Variants in KLHL1 observed in about 807,000 individuals in gnomAD.
The protein encoded by KLHL1 is kelch-like protein 1.
A neutral mutation model predicts 77.7 loss-of-function variants in KLHL1; 47 were observed. The ratio of observed to expected loss-of-function variants is 0.60; its 90% CI spans 0.48 to 0.77. The LOEUF is 0.77. Ranked by LOEUF, KLHL1 falls within the 30% of genes least tolerant of loss-of-function variation. The pLI is 0.00. For synonymous variants in KLHL1, 360 were observed against 325.2 expected, an observed-to-expected ratio of 1.11 and a Z score of -1.15; for missense variants, 925 against 910.8, an observed-to-expected ratio of 1.02 and a Z score of -0.20.
chr13:69,780,733 C>CATATATATATATATATATATAT (rs1217018845), intron 7 of KLHL1, among the ~76,000 whole-genome samples: 2 of 42,080 alleles, frequency 4.8e-5, no homozygotes, highest in Admixed American at 2.8e-4. Flanking sequence ...TATATATATA[C>CATATATATATATATATATATAT]ATATATATAT....
intron 1 of KLHL1, among the ~76,000 whole-genome samples, chr13:70,020,221 G>A (rs1043662455): frequency 1.1e-4 from 16 of 152,098 alleles, no homozygotes; most frequent in Non-Finnish European, 1.8e-4. Context: ...TATTCTAACA[G>A]CATCAATACA....
intron 3 of KLHL1, among the ~76,000 whole-genome samples, chr13:69,947,985 T>A (rs1311845224): frequency 6.6e-6 from 1 of 152,146 alleles, no homozygotes; most frequent in African/African-American, 2.4e-5. Context: ...TACATGTTTT[T>A]AGTTAGATGC....
intron 1 of KLHL1, among the ~76,000 whole-genome samples, chr13:70,013,093 C>A (rs565169398): frequency 2.8e-4 from 42 of 151,740 alleles, no homozygotes; most frequent in African/African-American, 8.7e-4. Context: ...TTAAAAATAT[C>A]GGGGAATGAT....
At chr13:69,990,800 A>T (rs1885009499) in intron 1 of KLHL1, among the ~76,000 whole-genome samples, 1 of 151,980 alleles carries the variant, frequency 6.6e-6, no homozygotes, top group African/African-American at 2.4e-5. Flanking sequence ...CACTTGACCA[A>T]ATGGACCTAA....
chr13:69,874,389 C>A (rs935440615), intron 5 of KLHL1, among the ~76,000 whole-genome samples: 1 of 152,040 alleles, frequency 6.6e-6, no homozygotes, highest in Non-Finnish European at 1.5e-5. Flanking sequence ...TACCTTCTGG[C>A]CATCCTTCTA....
chr13:69,939,044 T>G (rs1263118928), intron 4 of KLHL1, among the ~76,000 whole-genome samples: 1 of 151,590 alleles, frequency 6.6e-6, no homozygotes, highest in African/African-American at 2.4e-5. Flanking sequence ...GTTTCAATAA[T>G]AACAATGAAG....
At chr13:70,066,945 G>A (rs1195044155) in intron 1 of KLHL1, among the ~76,000 whole-genome samples, 2 of 152,020 alleles carry the variant, frequency 1.3e-5, no homozygotes, top group African/African-American at 4.8e-5. Flanking sequence ...TTTTCTTTAC[G>A]ATTCCAGGAG....
In KLHL1 at chr13:69,740,377, GA is replaced by G. The variant is rs1873934975; in HGVS notation, c.1802+16del. On this transcript the variant is annotated intron_variant, in intron 8 of 10. Transcript: ENST00000377844. ...CTTTTTTTCTAAGATTAAAAAATAA[GA>G]AAAAAATTTACTTACTTGCCATTCA... is the stretch of plus-strand genomic sequence containing the variant. 3 of 1,512,990 alleles carry G rather than the reference GA, an allele frequency of 2.0e-6. No individual in the cohort carries two copies. The highest frequency in any genetic ancestry group is 2.6e-5 in the South Asian group (2 of 76,022). 93.7% of individuals were successfully genotyped at this position (1,512,990 alleles called of 1,614,324 possible).
intron 1 of KLHL1, among the ~76,000 whole-genome samples, chr13:70,089,992 C>T (rs1887635146): frequency 6.7e-6 from 1 of 148,420 alleles, no homozygotes; most frequent in Non-Finnish European, 1.5e-5. Flanking sequence ...CATATTTTTA[C>T]TGGCTTAATC....
chr13:69,789,541 G>T (rs1489936840), intron 7 of KLHL1, among the ~76,000 whole-genome samples: 1 of 151,976 alleles, frequency 6.6e-6, no homozygotes, highest in African/African-American at 2.4e-5. Context: ...CAGTATAAAT[G>T]ACATAAACAG....
intron 10 of KLHL1, among the ~76,000 whole-genome samples, chr13:69,702,105 G>T (rs1475476725): frequency 6.6e-6 from 1 of 151,698 alleles, no homozygotes; most frequent in Non-Finnish European, 1.5e-5. Flanking sequence ...CATAGTGATA[G>T]CTTGGAGTAT....
chr13:69,868,871 C>T (rs1342892337), intron 5 of KLHL1, among the ~76,000 whole-genome samples: 1 of 151,990 alleles, frequency 6.6e-6, no homozygotes, highest in Non-Finnish European at 1.5e-5. Context: ...AGCCTCAATT[C>T]CTACCTGAAA....
chr13:69,730,644 A>G (rs939878955), intron 8 of KLHL1, among the ~76,000 whole-genome samples: 2 of 152,056 alleles, frequency 1.3e-5, no homozygotes, highest in Non-Finnish European at 2.9e-5. Context: ...GCATGATCAC[A>G]GCTCACTAGC....
chr13:69,798,549 T>C (rs1032780311), intron 6 of KLHL1, among the ~76,000 whole-genome samples: 10 of 152,142 alleles, frequency 6.6e-5, no homozygotes, highest in African/African-American at 2.4e-4. Context: ...TAAATTGCAA[T>C]GTTCACAAAA....
chr13:69,956,948 T>G (rs745528886), intron 3 of KLHL1, among the ~76,000 whole-genome samples: 6 of 151,678 alleles, frequency 4.0e-5, no homozygotes, highest in Non-Finnish European at 8.9e-5. Context: ...TTCTAGACAT[T>G]GCTACTTCTC....
intron 2 of KLHL1, among the ~76,000 whole-genome samples, chr13:69,969,983 C>A (rs1355356102): frequency 6.6e-6 from 1 of 151,934 alleles, no homozygotes; most frequent in African/African-American, 2.4e-5. Context: ...ATATTGTTAA[C>A]CTCCCATTCC....
intron 4 of KLHL1, among the ~76,000 whole-genome samples, chr13:69,889,333 T>G (rs1290095333): frequency 6.6e-6 from 1 of 152,074 alleles, no homozygotes; most frequent in Non-Finnish European, 1.5e-5. Flanking sequence ...AAACTCATTA[T>G]GAGATTATCA....
chr13:70,042,397 G>A (rs774448903), intron 1 of KLHL1, among the ~76,000 whole-genome samples: 13 of 152,040 alleles, frequency 8.6e-5, no homozygotes, highest in Non-Finnish European at 1.5e-4. Flanking sequence ...GCCTGGCTAC[G>A]TTTTGAAAAC....
intron 1 of KLHL1, among the ~76,000 whole-genome samples, chr13:70,045,179 T>C (rs1033372206): frequency 2.0e-5 from 3 of 152,242 alleles, no homozygotes; most frequent in Non-Finnish European, 2.9e-5. Context: ...ATGGTTTTTC[T>C]AAGAAAAAAA....
Sources: allele counts gnomAD v4.1 joint callset (sites outside exome capture counted in the v4.1 genomes callset), GRCh38; gene constraint gnomAD v4.1.1; transcripts MANE v1.5; gene names NCBI Gene and HGNC (gene_info 2026-07-23, HGNC 2026-07-21).